The following KDM1B variants were observed in gnomAD, a reference collection of about 807,000 sequenced individuals.
The protein encoded by KDM1B is lysine-specific histone demethylase 2.
In KDM1B, 63 loss-of-function variants were observed where a neutral mutation model predicts 107.4. That is an observed-to-expected ratio of 0.59 (90% CI 0.48 to 0.72). The LOEUF (loss-of-function observed/expected upper bound fraction) is 0.72, where lower values mean the gene tolerates loss of function less well. KDM1B is among the 30% of genes least tolerant of loss of function. The probability of loss-of-function intolerance (pLI) is 0.00; values close to 1 mark genes in which losing one functional copy is unlikely to be tolerated. For synonymous variants in KDM1B, 363 were observed against 363.9 expected (o/e 1.00, Z 0.03); for missense variants, 749 against 1,020.8 (o/e 0.73, Z 3.63).
At chr6:18,189,294 A>G (rs1160014431) in intron 9 of KDM1B, among the ~76,000 whole-genome samples, 5 of 147,226 alleles carry the variant, frequency 3.4e-5, no homozygotes, top group Non-Finnish European at 7.7e-5. Context: ...AATCAAAGCT[A>G]AAGTGGTAAT....
At chr6:18,216,051 A>C (rs1184858261) in intron 20 of KDM1B, among the ~76,000 whole-genome samples, 1 of 152,122 alleles carries the variant, frequency 6.6e-6, no homozygotes, top group Non-Finnish European at 1.5e-5. Context: ...AGAAAGGGGC[A>C]TTCAGATATG....
chr6:18,190,568 C>A (rs1330346219), intron 9 of KDM1B, among the ~76,000 whole-genome samples: 2 of 151,506 alleles, frequency 1.3e-5, no homozygotes, highest in African/African-American at 4.9e-5. Context: ...CGCCACTGAA[C>A]TCCAGCCAGG....
At chr6:18,160,370 G>A (rs1487098095) in intron 3 of KDM1B, among the ~76,000 whole-genome samples, 1 of 152,070 alleles carries the variant, frequency 6.6e-6, no homozygotes, top group Non-Finnish European at 1.5e-5. Context: ...TTTTTGGGTA[G>A]GGCTTTTATT....
chr6:18,180,951 G>C (rs1306718541), intron 7 of KDM1B, among the ~76,000 whole-genome samples: 1 of 152,170 alleles, frequency 6.6e-6, no homozygotes, highest in Non-Finnish European at 1.5e-5. Flanking sequence ...TCTTTTACTT[G>C]CTGACAATTG....
intron 10 of KDM1B, among the ~76,000 whole-genome samples, chr6:18,193,361 T>A (rs11752271): frequency 7.0e-6 from 1 of 141,942 alleles, no homozygotes; most frequent in Non-Finnish European, 1.5e-5. Flanking sequence ...TGGAGTACAG[T>A]GGCACCATCA....
chr6:18,166,577 G>T (rs1027828191), intron 6 of KDM1B, among the ~76,000 whole-genome samples, 199 bp downstream of exon 6: 16 of 152,180 alleles, frequency 1.1e-4, no homozygotes, highest in Non-Finnish European at 1.9e-4. Context: ...GGGTTTGGTG[G>T]CTCATACTTG....
intron 5 of KDM1B, among the ~76,000 whole-genome samples, chr6:18,165,207 C>T (rs1193898814): frequency 7.3e-6 from 1 of 137,776 alleles, no homozygotes; most frequent in Non-Finnish European, 1.5e-5. Context: ...AATCTCGGCT[C>T]ACTGCAAGCT....
chr6:18,210,233 C>T (rs1259230410), intron 17 of KDM1B, among the ~76,000 whole-genome samples: 1 of 151,600 alleles, frequency 6.6e-6, no homozygotes, highest in Non-Finnish European at 1.5e-5. Flanking sequence ...CTAACTCAGT[C>T]TAGGCTGCTT....
At chr6:18,193,839 G>T (rs1013531890) in intron 10 of KDM1B, among the ~76,000 whole-genome samples, 2 of 151,502 alleles carry the variant, frequency 1.3e-5, no homozygotes, top group South Asian at 2.1e-4. Flanking sequence ...ACAGATCAAG[G>T]TCATGCCAAG....
Position 18,205,486 on chromosome 6 carries a change from G to A in KDM1B, c.1532-51G>A, listed in dbSNP as rs1262653074. ...GTTGAAAGCAAAGGAGAAAGAATTGGAGAATCTTGTTAAAGCTATTTTTTT... is the reference window on the plus strand; with the variant it reads ...GTTGAAAGCAAAGGAGAAAGAATTGAAGAATCTTGTTAAAGCTATTTTTTT... On this transcript the variant is annotated intron_variant, in intron 14 of 21. Coordinates refer to ENST00000650836, the MANE Select transcript of KDM1B (RefSeq NM_001364614.2). This position sits in a 1 kb window ranked among gnomAD's most constrained non-coding sequence, Gnocchi z 5.7. 1.3e-6 allele frequency: 2 copies of A among 1,521,644 alleles called. No individual in the cohort carries two copies. Among genetic ancestry groups the A allele is most frequent in the Non-Finnish European group, 1.8e-6 (2 of 1,130,440 alleles). The allele number at this position is 1,521,644 out of a possible 1,614,324, so 94.3% of individuals were successfully genotyped here. A position where few individuals can be genotyped will look rare whatever the true frequency, so the allele number is the denominator to read the frequency against.
intron 15 of KDM1B, among the ~76,000 whole-genome samples, chr6:18,206,224 C>CAA (rs1421662408): frequency 6.8e-6 from 1 of 146,928 alleles, no homozygotes; most frequent in Non-Finnish European, 1.5e-5. Context: ...TACGTAAAAA[C>CAA]AAAGGAAGAG....
chr6:18,166,760 T>A (rs1785325311), intron 6 of KDM1B, among the ~76,000 whole-genome samples: 1 of 151,580 alleles, frequency 6.6e-6, no homozygotes, highest in Admixed American at 6.6e-5. Context: ...AGGTTGAGGT[T>A]GGGGAATTGC....
At chr6:18,199,587 G>A (rs771643695) in intron 12 of KDM1B, among the ~76,000 whole-genome samples, 3 of 152,126 alleles carry the variant, frequency 2.0e-5, no homozygotes, top group Non-Finnish European at 4.4e-5. Flanking sequence ...GCACCCAAGA[G>A]CAGCTTCTCA....
chr6:18,179,027 C>T (rs1786249309), intron 7 of KDM1B, among the ~76,000 whole-genome samples: 1 of 152,334 alleles, frequency 6.6e-6, no homozygotes, highest in East Asian at 1.9e-4. Flanking sequence ...TCGTCATATA[C>T]AGTGTTGGCT....
Position 18,212,460 on chromosome 6 carries a change from TTTG to T in KDM1B, c.1867-25_1867-23del. The T allele has an allele frequency of 7.4e-7, 1 of 1,349,242 alleles. No homozygotes were observed. The highest frequency in any genetic ancestry group is 1.1e-6 in the Non-Finnish European group (1 of 938,228). 83.6% of individuals were successfully genotyped at this position (1,349,242 alleles called of 1,614,324 possible). On this transcript the variant is annotated intron_variant, in intron 17 of 21. Coordinates refer to ENST00000650836, the MANE Select transcript of KDM1B (RefSeq NM_001364614.2). The surrounding 1 kb of genome is among the most constrained non-coding windows in gnomAD (Gnocchi z 5.2). ...TAGTGTGAGGTTCTGTTGCTGTTTG[TTTG>T]TTAACTGTTAATTATTTTCCACAGG...
At chr6:18,219,245 C>T (rs1789488442) in intron 21 of KDM1B, among the ~76,000 whole-genome samples, 2 of 152,160 alleles carry the variant, frequency 1.3e-5, no homozygotes, top group African/African-American at 4.8e-5. Flanking sequence ...GCCTTTATTT[C>T]TAAGATCCGT....
At chr6:18,207,237 C>T (rs113469358) in intron 15 of KDM1B, among the ~76,000 whole-genome samples, 161 bp from the exon 16 acceptor site, 3 of 152,248 alleles carry the variant, frequency 2.0e-5, no homozygotes, top group South Asian at 2.1e-4. Flanking sequence ...ATAAAATTAT[C>T]GAGATTTCCT....
At position 18,213,816 on chromosome 6, in the gene KDM1B, G is replaced by C. The variant is rs200661038; in HGVS notation, c.2109+35G>C. On this transcript the variant is annotated intron_variant, in intron 19 of 21. Transcript: ENST00000650836. This position sits in a 1 kb window ranked among gnomAD's most constrained non-coding sequence, Gnocchi z 5.9. ...TTCGTGAACTGTGGTTTGAATTTCC[G>C]TCTTAAAGTTTAGAATTTGATGTGA... 6.2e-7 allele frequency: 1 copy of C among 1,611,564 alleles called. No individual in the cohort carries two copies. Among genetic ancestry groups the C allele is most frequent in the South Asian group, 1.1e-5 (1 of 90,928 alleles).
intron 2 of KDM1B, among the ~76,000 whole-genome samples, chr6:18,158,561 A>C (rs1161391071): frequency 2.6e-5 from 4 of 152,170 alleles, no homozygotes; most frequent in Non-Finnish European, 5.9e-5. Flanking sequence ...TTATGGTTCC[A>C]CTTTTCCACT....
Sources: gnomAD v4.1 joint callset for allele counts (sites outside exome capture counted in the v4.1 genomes callset) on GRCh38, gnomAD v4.1.1 for gene constraint, Gnocchi (gnomAD v3.1) non-coding constraint, MANE v1.5 for transcripts, NCBI Gene and HGNC (gene_info 2026-07-23, HGNC 2026-07-21) for gene names.